Variants in PLAC1 observed in about 807,000 individuals in gnomAD.
The protein encoded by PLAC1 is placenta associated 1, also known as placenta-specific protein 1.
For synonymous variants in PLAC1, 68 were observed against 62.1 expected (o/e 1.09, Z -0.44); for missense variants, 136 against 163.2 (o/e 0.83, Z 0.91).
intron 2 of PLAC1, among the ~76,000 whole-genome samples, chrX:134,710,623 T>C (rs902597867): frequency 1.8e-5 from 2 of 111,544 alleles, no homozygotes; most frequent in African/African-American, 6.5e-5. Context: ...GTACTATAGG[T>C]TACTGTTCAG....
intron 1 of PLAC1, among the ~76,000 whole-genome samples, chrX:134,646,795 A>G (rs1444221263): frequency 8.9e-6 from 1 of 112,549 alleles, no homozygotes; most frequent in African/African-American, 3.2e-5. Flanking sequence ...GAGTGAGCTC[A>G]GCTTGGACAG....
intron 2 of PLAC1, among the ~76,000 whole-genome samples, chrX:134,670,106 C>CT (rs1331085029): frequency 2.6e-4 from 25 of 95,082 alleles, no homozygotes; most frequent in South Asian, 5.5e-4. Context: ...GCAGCTGAAA[C>CT]TTTTTTTTTT....
chrX:134,690,744 T>C (rs935392306), intron 2 of PLAC1, among the ~76,000 whole-genome samples: 1 of 105,966 alleles, frequency 9.4e-6, no homozygotes, highest in African/African-American at 3.4e-5. Context: ...CCATCCTGGC[T>C]AACATGGTGA....
At chrX:134,720,411 C>T (rs758931541) in intron 2 of PLAC1, among the ~76,000 whole-genome samples, 2 of 110,611 alleles carry the variant, frequency 1.8e-5, no homozygotes, top group Non-Finnish European at 3.8e-5. Flanking sequence ...TGGCAGTACT[C>T]CCCCAATTGT....
rs181599576 is a variant in PLAC1, at chrX:134,704,523, A to C, written n.174+28912T>G. On this transcript the variant is annotated intron_variant and non_coding_transcript_variant, in intron 2 of 2. Transcript: ENST00000466797. ...AAAAAAAACAAAATAACAACAACAAAAAAAAATAAAACATAGTAATAGAAA... is the reference window on the plus strand; with the variant it reads ...AAAAAAAACAAAATAACAACAACAACAAAAAATAAAACATAGTAATAGAAA... Among the ~76,000 whole-genome samples, 933 of 105,813 alleles carry C rather than the reference A, an allele frequency of 8.8e-3. 8 individuals are homozygous for C. Among genetic ancestry groups the C allele is most frequent in the African/African-American group, 0.028 (826 of 29,261 alleles). 91.9% of individuals were successfully genotyped at this position (105,813 alleles called of 115,157 possible).
intron 2 of PLAC1, among the ~76,000 whole-genome samples, chrX:134,573,048 G>A (rs1010113787): frequency 8.1e-5 from 9 of 111,585 alleles, no homozygotes; most frequent in African/African-American, 2.6e-4. Flanking sequence ...TAAAAGGTGA[G>A]TAGTCCAATG....
intron 2 of PLAC1, among the ~76,000 whole-genome samples, chrX:134,586,715 G>A (rs758182671): frequency 5.2e-5 from 5 of 95,702 alleles, no homozygotes; most frequent in Non-Finnish European, 8.2e-5. Flanking sequence ...CTGTCACCCA[G>A]GCTGGAGTGC....
At chrX:134,673,509 T>C (rs977450236) in intron 2 of PLAC1, among the ~76,000 whole-genome samples, 4 of 110,327 alleles carry the variant, frequency 3.6e-5, no homozygotes, top group African/African-American at 1.3e-4. Context: ...AGTCTCATCA[T>C]AGTCTCAATT....
chrX:134,752,677 T>A (rs961816201), intron 1 of PLAC1, among the ~76,000 whole-genome samples: 6 of 111,379 alleles, frequency 5.4e-5, no homozygotes, highest in African/African-American at 2.0e-4. Flanking sequence ...TTTTGTTACA[T>A]TTAACTTAAA....
At chrX:134,660,732 G>A (rs2078413627), upstream of PLAC1, among the ~76,000 whole-genome samples, 1 of 111,568 alleles carries the variant, frequency 9.0e-6, no homozygotes, top group African/African-American at 3.3e-5. Context: ...AGAATGAGAA[G>A]AGGCAGTATT....
At chrX:134,629,377 A>G (rs1315466989) in intron 1 of PLAC1, among the ~76,000 whole-genome samples, 1 of 111,418 alleles carries the variant, frequency 9.0e-6, no homozygotes, top group African/African-American at 3.3e-5. Context: ...ATCCCACATG[A>G]AGGAATGATT....
chrX:134,756,802 T>C (rs2078758520), intron 1 of PLAC1, among the ~76,000 whole-genome samples: 1 of 108,631 alleles, frequency 9.2e-6, no homozygotes, highest in Non-Finnish European at 1.9e-5. Flanking sequence ...TGAGCCGAGA[T>C]TACGCCACTG....
intron 2 of PLAC1, chrX:134,601,055 T>A (rs1342187739): frequency 2.0e-5 from 1 of 49,112 alleles, no homozygotes; most frequent in African/African-American, 6.9e-5. Context: ...AGTCATTTTT[T>A]TTCTTCACAC....
chrX:134,571,639 T>A (rs1351170116), intron 2 of PLAC1, among the ~76,000 whole-genome samples: 1 of 112,038 alleles, frequency 8.9e-6, no homozygotes, highest in Non-Finnish European at 1.9e-5. Flanking sequence ...AGAGCATTTT[T>A]AATCTCAGGA....
At chrX:134,604,159 AC>A (rs1186209979) in intron 1 of PLAC1, among the ~76,000 whole-genome samples, 1 of 112,529 alleles carries the variant, frequency 8.9e-6, no homozygotes, top group Non-Finnish European at 1.9e-5. Context: ...CTTGGACAAC[AC>A]CAGGGGTGTA....
intron 2 of PLAC1, among the ~76,000 whole-genome samples, chrX:134,667,427 G>C (rs1180342280): frequency 8.9e-6 from 1 of 112,240 alleles, no homozygotes; most frequent in East Asian, 2.8e-4. Context: ...ATAAAAATAT[G>C]CTCGACATCA....
chrX:134,754,579 G>T (rs1569415239), intron 1 of PLAC1, among the ~76,000 whole-genome samples: 2 of 110,561 alleles, frequency 1.8e-5, no homozygotes, highest in South Asian at 3.8e-4. Flanking sequence ...AACATAGATG[G>T]AAGGCTTTAT....
intron 2 of PLAC1, among the ~76,000 whole-genome samples, chrX:134,570,177 T>C (rs1386979307): frequency 9.0e-6 from 1 of 111,499 alleles, no homozygotes; most frequent in East Asian, 2.8e-4. Context: ...CAGTGTGAAT[T>C]CATCAGCTGA....
chrX:134,574,560 G>A (rs763738073), intron 2 of PLAC1, among the ~76,000 whole-genome samples: 12 of 111,846 alleles, frequency 1.1e-4, no homozygotes, highest in Admixed American at 2.8e-4. Context: ...TGATGCCAAG[G>A]GCTCTATGTC....
Sources: allele counts gnomAD v4.1 joint callset (sites outside exome capture counted in the v4.1 genomes callset), GRCh38; gene constraint gnomAD v4.1.1; transcripts MANE v1.5; gene names NCBI Gene and HGNC (gene_info 2026-07-23, HGNC 2026-07-21).